The following ZNF442 variants were observed in gnomAD, a reference collection of about 807,000 sequenced individuals.
The protein encoded by ZNF442 is zinc finger protein 442.
Under a neutral mutation model 57.0 loss-of-function variants are expected in ZNF442, and 45 were observed. The ratio of observed to expected loss-of-function variants is 0.79; its 90% CI spans 0.62 to 1.01. The LOEUF is 1.01. Ranked by LOEUF, ZNF442 falls within the 50% of genes least tolerant of loss-of-function variation. ZNF442 has a pLI of 0.00. For synonymous variants in ZNF442, 213 were observed against 241.8 expected (o/e 0.88, Z 1.10); for missense variants, 690 against 756.5 (o/e 0.91, Z 1.03).
At chr19:12,353,636 G>A (rs571818688) in intron 3 of ZNF442, among the ~76,000 whole-genome samples, 51 of 152,120 alleles carry the variant, frequency 3.4e-4, no homozygotes, top group Non-Finnish European at 6.0e-4. Flanking sequence ...TCGGGAGCTT[G>A]GAATTTTGTT....
At chr19:12,351,894 A>G in intron 5 of ZNF442, 116 bp downstream of exon 5, 3 of 822,234 alleles carry the variant, frequency 3.6e-6, no homozygotes, top group Non-Finnish European at 5.7e-6. Flanking sequence ...AAAATTGTAT[A>G]GGAATAAATA....
chr19:12,352,551 T>C (rs960773462), intron 4 of ZNF442, among the ~76,000 whole-genome samples: 2 of 152,172 alleles, frequency 1.3e-5, no homozygotes, highest in African/African-American at 4.8e-5. Flanking sequence ...CTGCTACCCC[T>C]GGGACACCAA....
At position 12,347,883 on chromosome 19, in the gene ZNF442, G is replaced by T. The variant is rs1465971815; in HGVS notation, c.*1818C>A. ...TTTCTATCCCAACACAAATAAGAGAGCATAAATACTAACAAGGAACTCGAA... is the reference window on the plus strand; with the variant it reads ...TTTCTATCCCAACACAAATAAGAGATCATAAATACTAACAAGGAACTCGAA... On this transcript the variant is annotated 3_prime_UTR_variant, in exon 6 of 6. Transcript: ENST00000242804. 2.0e-5 allele frequency: 3 copies of T among 152,080 alleles called. No individual in the cohort carries two copies. Among genetic ancestry groups the T allele is most frequent in the Admixed American group, 2.0e-4 (3 of 15,250 alleles). 9.4% of individuals were successfully genotyped at this position (152,080 alleles called of 1,614,324 possible). A position where few individuals can be genotyped will look rare whatever the true frequency, so the allele number is the denominator to read the frequency against.
chr19:12,350,745 A>T lies in ZNF442; in HGVS notation c.840T>A (p.Tyr280Ter), dbSNP rs1472756005. The change falls in exon 6 of 6, where the codon TAT becomes TAA. Residue 280 changes from tyrosine to a stop codon, truncating the protein, a stop_gained. Coordinates refer to ENST00000242804, the MANE Select transcript of ZNF442 (RefSeq NM_030824.3). LOFTEE classifies it high-confidence loss of function. ...CAGTGTGAGTTCTTTCATGTCTTAC[A>T]TAGGAACTGTAATCAGGGAAGGCTT... is the stretch of plus-strand genomic sequence containing the variant. ...CSKAFPDYSS[Y>*]VRHERTHTGE... 2 of 1,614,168 alleles carry T rather than the reference A, an allele frequency of 1.2e-6. No individual in the cohort carries two copies. The highest frequency in any genetic ancestry group is 1.7e-6 in the Non-Finnish European group (2 of 1,180,036).
Position 12,350,529 on chromosome 19 carries a change from C to G in ZNF442, c.1056G>C (p.Lys352Asn). The change falls in exon 6 of 6, where the codon AAG becomes AAC. Residue 352 changes from lysine (K) to asparagine (N), a missense_variant. Transcript: ENST00000242804. ...GACAATCAAAGCCTTTCCCACATAT[C>G]TTACATTTATGAGGTCCATCTCCAG... ...RHTGDGPHKC[K>N]ICGKGFDCPS... 5 of 1,613,794 alleles carry G rather than the reference C, an allele frequency of 3.1e-6. No homozygotes were observed. Among genetic ancestry groups the G allele is most frequent in the African/African-American group, 1.3e-5 (1 of 74,956 alleles).
chr19:12,356,562 G>A (rs1969332608), intron 3 of ZNF442, among the ~76,000 whole-genome samples: 1 of 151,590 alleles, frequency 6.6e-6, no homozygotes, highest in African/African-American at 2.4e-5. Flanking sequence ...AGGAGGCAGA[G>A]GTTGCAGTGA....
chr19:12,352,275 T>C (rs1345408154), intron 4 of ZNF442, among the ~76,000 whole-genome samples: 2 of 152,150 alleles, frequency 1.3e-5, no homozygotes, highest in Non-Finnish European at 2.9e-5. Flanking sequence ...TGGAGTGCAA[T>C]GGTGCAATCT....
chr19:12,355,512 C>G (rs966590492), intron 3 of ZNF442, among the ~76,000 whole-genome samples: 4 of 150,202 alleles, frequency 2.7e-5, no homozygotes, highest in African/African-American at 9.7e-5. Flanking sequence ...CAGGCGCACA[C>G]CACACGCCCG....
chr19:12,363,158 CAAA>C (rs886442784), intron 3 of ZNF442, among the ~76,000 whole-genome samples: 1 of 60,670 alleles, frequency 1.6e-5, no homozygotes, highest in Non-Finnish European at 3.2e-5. Flanking sequence ...AGCTCCGTCT[CAAA>C]AAAAAAAAAA....
At chr19:12,351,560 C>T (rs574125188) in intron 5 of ZNF442, among the ~76,000 whole-genome samples, 89 of 152,234 alleles carry the variant, frequency 5.8e-4, no homozygotes, top group African/African-American at 1.8e-3. Context: ...GGCTGGAGTG[C>T]AGTGGCATGA....
intron 3 of ZNF442, among the ~76,000 whole-genome samples, chr19:12,359,517 C>T (rs1214003912): frequency 1.3e-5 from 2 of 152,220 alleles, no homozygotes; most frequent in Non-Finnish European, 2.9e-5. Context: ...TTTGTCTTCA[C>T]TGATCATACT....
chr19:12,362,423 G>A (rs1159131240), intron 3 of ZNF442, among the ~76,000 whole-genome samples: 2 of 152,070 alleles, frequency 1.3e-5, no homozygotes, highest in African/African-American at 4.8e-5. Context: ...CCCCGTCTGG[G>A]AGGTAAGGAG....
At chr19:12,369,702 C>G (rs898293350), upstream of ZNF442, among the ~76,000 whole-genome samples, 1 of 151,892 alleles carries the variant, frequency 6.6e-6, no homozygotes, top group Non-Finnish European at 1.5e-5. Flanking sequence ...TCGAGACCAT[C>G]CTGGGTAACA....
intron 2 of ZNF442, among the ~76,000 whole-genome samples, chr19:12,364,407 CA>C (rs35227073): frequency 0.029 from 2,674 of 92,980 alleles, 83 homozygotes; most frequent in African/African-American, 0.092. Flanking sequence ...AACTCCATCT[CA>C]AAAAAAAAAA....
Position 12,351,115 on chromosome 19 carries a change from T to C in ZNF442, c.470A>G (p.Gln157Arg), listed in dbSNP as rs764815715. ...GTGATAATTGAAGGCTGTCCCACAT[T>C]GTTTATGTGTATGTGGCTTCTCTCC... ...EYGEKPHTHK[Q>R]CGTAFNYHHS... Residue 157 changes from glutamine (Q) to arginine (R), a missense_variant, in exon 6 of 6, where the codon CAA becomes CGA. Coordinates refer to ENST00000242804, the MANE Select transcript of ZNF442 (RefSeq NM_030824.3). The C allele has an allele frequency of 6.2e-7, 1 of 1,614,164 alleles. No individual in the cohort carries two copies. Among genetic ancestry groups the C allele is most frequent in the Admixed American group, 1.7e-5 (1 of 60,016 alleles).
chr19:12,351,314 GACATCTGTAAAACATGAGAAGTATATT>G lies in ZNF442; in HGVS notation c.267-23_270del. ...CTTTCACTAAATCTCTCTATGATAT[GACATCTGTAAAACATGAGAAGTATATT>G]AATAAAGGTTTATTTATAAATGACT... On this transcript the variant is annotated splice_acceptor_variant and splice_polypyrimidine_tract_variant and coding_sequence_variant and intron_variant, in exon 6 of 6. Transcript: ENST00000242804. LOFTEE classifies it high-confidence loss of function. The G allele has an allele frequency of 6.2e-7, 1 of 1,608,388 alleles. No individual in the cohort carries two copies. Among genetic ancestry groups the G allele is most frequent in the Non-Finnish European group, 8.5e-7 (1 of 1,176,890 alleles).
chr19:12,363,484 G>T, intron 3 of ZNF442, 70 bp downstream of exon 3: 1 of 1,473,808 alleles, frequency 6.8e-7, no homozygotes, highest in Non-Finnish European at 9.5e-7. Flanking sequence ...GTGCTTTTCA[G>T]GCTCATGCAC....
rs1263302433 is a variant in ZNF442 at position 12,346,673 on chromosome 19, A to G, written c.*3028T>C. 6.6e-6 allele frequency: 1 copy of G among 152,254 alleles called. No homozygotes were observed. The highest frequency in any genetic ancestry group is 2.4e-5 in the African/African-American group (1 of 41,476). The allele number at this position is 152,254 out of a possible 1,614,324, so 9.4% of individuals were successfully genotyped here. A position where few individuals can be genotyped will look rare whatever the true frequency, so the allele number is the denominator to read the frequency against. On this transcript the variant is annotated 3_prime_UTR_variant, in exon 6 of 6. Transcript: ENST00000242804. ...CACAGCAGCCTTATTGATAGCAGTC[A>G]AATTATTACTGTGGAAACAACCCAT...
chr19:12,366,114 G>A (rs74452719), upstream of ZNF442, among the ~76,000 whole-genome samples: 893 of 152,298 alleles, frequency 5.9e-3, 12 homozygotes, highest in Middle Eastern at 0.014. Flanking sequence ...AATTTAGGAT[G>A]AGACTGCTGG....
Sources: allele counts gnomAD v4.1 joint callset (sites outside exome capture counted in the v4.1 genomes callset), GRCh38; gene constraint gnomAD v4.1.1; transcripts MANE v1.5; gene names NCBI Gene and HGNC (gene_info 2026-07-23, HGNC 2026-07-21).